POC1B: variants seen among roughly 807,000 people sequenced by gnomAD.
POC1B encodes POC1 centriolar protein homolog B.
Under a neutral mutation model 60.6 loss-of-function variants are expected in POC1B, and 44 were observed. The observed-to-expected ratio is 0.73, with a 90% CI of 0.57 to 0.93. The LOEUF (loss-of-function observed/expected upper bound fraction) is 0.93. Ranked by LOEUF, POC1B falls within the 40% of genes least tolerant of loss-of-function variation. POC1B has a pLI of 0.00. For synonymous variants in POC1B, 180 were observed against 198.9 expected, an observed-to-expected ratio of 0.90 and a Z score of 0.80; for missense variants, 555 against 572.3, an observed-to-expected ratio of 0.97 and a Z score of 0.31.
intron 10 of POC1B, among the ~76,000 whole-genome samples, chr12:89,447,811 G>A (rs1881847694): frequency 6.6e-6 from 1 of 152,004 alleles, no homozygotes; most frequent in Non-Finnish European, 1.5e-5. Context: ...AAGTGTCCAA[G>A]TAAATAGCAA....
intron 2 of POC1B, chr12:89,524,391 C>G (rs372200160): frequency 6.2e-7 from 1 of 1,614,020 alleles, no homozygotes; most frequent in African/African-American, 1.3e-5. Flanking sequence ...CCGTATTTTT[C>G]TGGAGGTCTG....
At chr12:89,508,493 A>C (rs866751495) in intron 2 of POC1B, among the ~76,000 whole-genome samples, 8 of 152,244 alleles carry the variant, frequency 5.3e-5, no homozygotes, top group Admixed American at 5.2e-4. Flanking sequence ...TTAGCAGTGC[A>C]TCATATTAGG....
At chr12:89,450,434 C>A (rs1411686056) in intron 10 of POC1B, among the ~76,000 whole-genome samples, 2 of 152,162 alleles carry the variant, frequency 1.3e-5, no homozygotes, top group African/African-American at 4.8e-5. Context: ...TCTCAAACTC[C>A]TGATCTTGTG....
chr12:89,425,499 A>T (rs1339308199), intron 10 of POC1B, 120 bp from the exon 11 acceptor site: 6 of 645,308 alleles, frequency 9.3e-6, no homozygotes, highest in Non-Finnish European at 1.3e-5. Context: ...ATTTATCCCC[A>T]ACTATAATAA....
chr12:89,506,931 T>C (rs558187804), intron 2 of POC1B, among the ~76,000 whole-genome samples: 1 of 152,200 alleles, frequency 6.6e-6, no homozygotes, highest in African/African-American at 2.4e-5. Flanking sequence ...TCAGAATTTG[T>C]CCATGTGTTT....
intron 9 of POC1B, among the ~76,000 whole-genome samples, chr12:89,462,805 T>C (rs1882527888): frequency 6.6e-6 from 1 of 152,178 alleles, no homozygotes; most frequent in Admixed American, 6.5e-5. Flanking sequence ...TAGTGGTACT[T>C]ATTTCACCGA....
At chr12:89,442,239 C>A (rs1177131577) in intron 10 of POC1B, among the ~76,000 whole-genome samples, 2 of 152,148 alleles carry the variant, frequency 1.3e-5, no homozygotes, top group African/African-American at 2.4e-5. Context: ...CATTCAAATT[C>A]AGGAAATACA....
intron 11 of POC1B, among the ~76,000 whole-genome samples, chr12:89,421,700 C>A (rs536601580): frequency 6.6e-6 from 1 of 152,260 alleles, no homozygotes; most frequent in East Asian, 1.9e-4. Flanking sequence ...CATGGCAAAC[C>A]GTACCTATAG....
intron 2 of POC1B, chr12:89,502,022 C>A: frequency 2.0e-6 from 2 of 991,184 alleles, no homozygotes; most frequent in Admixed American, 3.4e-5. Flanking sequence ...ACAGGAAGCT[C>A]AAAGAATGAA....
intron 10 of POC1B, among the ~76,000 whole-genome samples, chr12:89,433,288 T>G (rs1881116259): frequency 6.6e-6 from 1 of 152,094 alleles, no homozygotes; most frequent in African/African-American, 2.4e-5. Context: ...AAATGTGTGC[T>G]GATAGAAAGA....
chr12:89,442,609 A>G (rs567105884), intron 10 of POC1B, among the ~76,000 whole-genome samples: 3 of 152,354 alleles, frequency 2.0e-5, no homozygotes, highest in Non-Finnish European at 2.9e-5. Flanking sequence ...AGGAAGCACT[A>G]AACATGGAAA....
intron 2 of POC1B, chr12:89,500,104 G>T: frequency 2.1e-6 from 3 of 1,445,018 alleles, no homozygotes; most frequent in Non-Finnish European, 2.9e-6. Context: ...TGGCTGTGTC[G>T]GGTCTGGATC....
chr12:89,507,277 A>AC (rs1270253655), intron 2 of POC1B, among the ~76,000 whole-genome samples: 1 of 150,356 alleles, frequency 6.7e-6, no homozygotes, highest in Non-Finnish European at 1.5e-5. Context: ...AAAAAAAAAA[A>AC]AAAAAAAAAA....
chr12:89,446,804 T>A (rs754529095), intron 10 of POC1B, among the ~76,000 whole-genome samples: 1 of 151,634 alleles, frequency 6.6e-6, no homozygotes, highest in Non-Finnish European at 1.5e-5. Context: ...AGCTAGAACA[T>A]GTGCATGAAA....
intron 10 of POC1B, chr12:89,426,699 C>G (rs910782468): frequency 1.3e-5 from 2 of 152,086 alleles, no homozygotes; most frequent in East Asian, 3.9e-4. Flanking sequence ...TGGTACACGC[C>G]TGTAATCCCA....
intron 2 of POC1B, among the ~76,000 whole-genome samples, chr12:89,498,635 C>G (rs1476773255): frequency 6.6e-6 from 1 of 152,132 alleles, no homozygotes; most frequent in Non-Finnish European, 1.5e-5. Flanking sequence ...AGCTACAATA[C>G]TGCTTAGCAC....
Position 89,517,005 on chromosome 12 carries a change from G to A in POC1B, c.100+8115C>T, listed in dbSNP as rs530326706. Among the ~76,000 whole-genome samples, 152 of 152,116 alleles carry A rather than the reference G, an allele frequency of 1.0e-3. 2 individuals are homozygous for A. Among genetic ancestry groups the A allele is most frequent in the African/African-American group, 3.6e-3 (149 of 41,484 alleles). On this transcript the variant is annotated intron_variant, in intron 2 of 11. Transcript: ENST00000313546. ...ACAAAGACTTTTTCCTCCCAAATAAGGTCACATCACAGGTTCCAAGGACTA... is the reference window on the plus strand; with the variant it reads ...ACAAAGACTTTTTCCTCCCAAATAAAGTCACATCACAGGTTCCAAGGACTA...
intron 10 of POC1B, among the ~76,000 whole-genome samples, chr12:89,438,365 G>A (rs1158991446): frequency 6.6e-6 from 1 of 151,952 alleles, no homozygotes; most frequent in African/African-American, 2.4e-5. Context: ...GCTGAGGCAG[G>A]AGAATGGCGT....
downstream of POC1B, among the ~76,000 whole-genome samples, chr12:89,415,471 G>A (rs563927524): frequency 2.6e-5 from 4 of 152,106 alleles, no homozygotes; most frequent in East Asian, 1.9e-4. Context: ...GTGAAACCCC[G>A]TCTCTACTAA....
Sources: gnomAD v4.1 joint callset for allele counts (sites outside exome capture counted in the v4.1 genomes callset) on GRCh38, gnomAD v4.1.1 for gene constraint, MANE v1.5 for transcripts, NCBI Gene and HGNC (gene_info 2026-07-23, HGNC 2026-07-21) for gene names.